ADGRG2: variants seen among roughly 807,000 people sequenced by gnomAD.
ADGRG2 encodes G protein-coupled receptor 64.
A neutral mutation model predicts 74.1 loss-of-function variants in ADGRG2; 26 were observed. That is an observed-to-expected ratio of 0.35 (90% CI 0.26 to 0.49). ADGRG2 has a LOEUF of 0.49. ADGRG2 is among the 20% of genes least tolerant of loss of function. The pLI is 0.99. For missense variants in ADGRG2, 619 were observed against 763.1 expected (o/e 0.81, Z 2.22); for synonymous variants, 296 against 295.2 (o/e 1.00, Z -0.03).
chrX:19,087,775 C>T (rs1465554172), intron 1 of ADGRG2, among the ~76,000 whole-genome samples: 3 of 111,763 alleles, frequency 2.7e-5, no homozygotes, highest in Non-Finnish European at 5.6e-5. Context: ...CCGTTGCTAC[C>T]ATGCTTTATT....
intron 1 of ADGRG2, among the ~76,000 whole-genome samples, chrX:19,098,755 AG>A (rs1433045867): frequency 8.9e-6 from 1 of 111,995 alleles, no homozygotes; most frequent in East Asian, 2.8e-4. Context: ...AAAGCTGCTA[AG>A]GGAGGTCAGG....
chrX:19,024,097 C>T (rs921587423), intron 11 of ADGRG2, 149 bp from the exon 12 acceptor site: 1 of 416,043 alleles, frequency 2.4e-6, no homozygotes, highest in Admixed American at 4.2e-5. Flanking sequence ...ATAAGAGAGT[C>T]CTATGTGGCA....
chrX:19,076,243 C>T (rs1039597996), intron 2 of ADGRG2, among the ~76,000 whole-genome samples: 1 of 111,545 alleles, frequency 9.0e-6, no homozygotes, highest in African/African-American at 3.3e-5. Flanking sequence ...ATTGGGAATT[C>T]CAGGGTCCCG....
intron 15 of ADGRG2, among the ~76,000 whole-genome samples, chrX:19,018,192 A>G (rs753156758): frequency 6.3e-5 from 7 of 111,377 alleles, no homozygotes; most frequent in Non-Finnish European, 1.3e-4. Context: ...TGGCATGAAC[A>G]TAGCTCACTG....
chrX:19,122,290 G>T (rs1373444026), intron 1 of ADGRG2, among the ~76,000 whole-genome samples, 152 bp downstream of exon 1: 1 of 112,441 alleles, frequency 8.9e-6, no homozygotes, highest in South Asian at 3.6e-4. Context: ...AACAGCAGCC[G>T]GGCGGAAGGC....
chrX:19,062,053 T>C (rs1281329736), intron 3 of ADGRG2, among the ~76,000 whole-genome samples: 1 of 111,699 alleles, frequency 9.0e-6, no homozygotes, highest in Non-Finnish European at 1.9e-5. Flanking sequence ...CCTTGAGCTC[T>C]CACCACTGAA....
At chrX:19,105,996 T>C (rs1440978124) in intron 1 of ADGRG2, among the ~76,000 whole-genome samples, 2 of 103,329 alleles carry the variant, frequency 1.9e-5, no homozygotes, top group African/African-American at 7.3e-5. Context: ...TCGAGATAAG[T>C]AGTTTATCTG....
chrX:19,040,153 C>A (rs750957167), intron 4 of ADGRG2, 36 bp downstream of exon 4: 4 of 954,597 alleles, frequency 4.2e-6, no homozygotes, highest in Non-Finnish European at 6.0e-6. Flanking sequence ...ATAATATTTT[C>A]CTGAAATTCC....
chrX:19,102,018 T>C (rs1480094905), intron 1 of ADGRG2, among the ~76,000 whole-genome samples: 1 of 110,740 alleles, frequency 9.0e-6, no homozygotes, highest in Admixed American at 9.6e-5. Context: ...CCATAAGAAG[T>C]GGCTCGCTTT....
chrX:19,100,997 A>G (rs139916309), intron 1 of ADGRG2, among the ~76,000 whole-genome samples: 2 of 112,772 alleles, frequency 1.8e-5, no homozygotes, highest in Non-Finnish European at 3.7e-5. Flanking sequence ...TTTATAAAAC[A>G]ATTTCCAAAG....
chrX:19,104,027 C>T lies in ADGRG2; in HGVS notation c.-47+18415G>A, dbSNP rs776186677. ...ATTGTGCCAAGGTTCAGATCCACTT[C>T]AGTCTGGGGAAGAAGGCAGGAGGAG... On this transcript the variant is annotated intron_variant, in intron 1 of 28. Coordinates refer to ENST00000379869, the MANE Select transcript of ADGRG2 (RefSeq NM_001079858.3). 3.6e-5 allele frequency among the ~76,000 whole-genome samples: 4 copies of T among 111,703 alleles called. No homozygotes were observed. In the South Asian group the frequency reaches 1.5e-3, roughly 42 times the overall value.
In ADGRG2 at chrX:18,995,047, G is replaced by A; in HGVS notation, c.2718C>T (p.Asp906=). ...AACCATTAGTAGCAGTTTTACTCCA[G>A]TCTACAGCAGAATAAGCATTACAGA... ...CGKLRLAENS[D]WSKTATNGLK... Residue 906 remains aspartate, a splice_region_variant and synonymous_variant, in exon 28 of 29, where the codon GAC becomes GAT. Coordinates refer to ENST00000379869, the MANE Select transcript of ADGRG2 (RefSeq NM_001079858.3). 8.4e-7 allele frequency: 1 copy of A among 1,185,319 alleles called. No homozygotes were observed. The highest frequency in any genetic ancestry group is 1.1e-6 in the Non-Finnish European group (1 of 878,249).
chrX:19,117,940 T>TGG (rs747204573), intron 1 of ADGRG2, among the ~76,000 whole-genome samples: 2 of 105,100 alleles, frequency 1.9e-5, no homozygotes, highest in Non-Finnish European at 3.9e-5. Context: ...AGGCTTTCAA[T>TGG]GGGAAAAAAA....
intron 16 of ADGRG2, among the ~76,000 whole-genome samples, chrX:19,012,493 C>T (rs905499149): frequency 1.8e-5 from 2 of 110,171 alleles, no homozygotes; most frequent in African/African-American, 6.6e-5. Flanking sequence ...AAAATATTTA[C>T]ATTTATAAAA....
intron 1 of ADGRG2, among the ~76,000 whole-genome samples, chrX:19,111,867 A>C (rs2062418652): frequency 9.0e-6 from 1 of 111,272 alleles, no homozygotes; most frequent in Admixed American, 9.6e-5. Context: ...TAAGTATAGT[A>C]ATGAATTGCA....
intron 1 of ADGRG2, among the ~76,000 whole-genome samples, chrX:19,117,156 G>T (rs1294216872): frequency 9.1e-6 from 1 of 109,574 alleles, no homozygotes; most frequent in East Asian, 2.9e-4. Context: ...TTAGTCGGGT[G>T]TGGTGGCGGG....
intron 1 of ADGRG2, among the ~76,000 whole-genome samples, chrX:19,103,374 G>A (rs137877939): frequency 0.025 from 2,741 of 111,710 alleles, 92 homozygotes; most frequent in African/African-American, 0.084. Flanking sequence ...GAAAACTCAC[G>A]AATAATCCAC....
chrX:19,070,855 T>C (rs2061642338), intron 2 of ADGRG2, among the ~76,000 whole-genome samples: 1 of 111,829 alleles, frequency 8.9e-6, no homozygotes, highest in African/African-American at 3.3e-5. Flanking sequence ...TGTTTCCCCA[T>C]CTAGCAAACT....
chrX:18,992,596 TTTC>T (rs2059941508), intron 28 of ADGRG2, among the ~76,000 whole-genome samples: 1 of 112,334 alleles, frequency 8.9e-6, no homozygotes, highest in Non-Finnish European at 1.9e-5. Flanking sequence ...CAGCCCTAGC[TTTC>T]TTTTTTGAAA....
Sources: gnomAD v4.1 joint callset for allele counts (sites outside exome capture counted in the v4.1 genomes callset) on GRCh38, gnomAD v4.1.1 for gene constraint, MANE v1.5 for transcripts, NCBI Gene and HGNC (gene_info 2026-07-23, HGNC 2026-07-21) for gene names.